Variants in CPNE4 observed in about 807,000 individuals in gnomAD.
The protein encoded by CPNE4 is copine 4.
In CPNE4, 25 loss-of-function variants were observed where a neutral mutation model predicts 67.9. That is an observed-to-expected ratio of 0.37 (90% confidence interval 0.27 to 0.51). The LOEUF is 0.51. Ranked by LOEUF, CPNE4 falls within the 20% of genes least tolerant of loss-of-function variation. The pLI is 0.93. For synonymous variants in CPNE4, 242 were observed against 244.9 expected, an observed-to-expected ratio of 0.99 and a Z score of 0.11; for missense variants, 464 against 690.8, an observed-to-expected ratio of 0.67 and a Z score of 3.68.
chr3:131,818,327 A>G (rs1341887691), intron 2 of CPNE4, among the ~76,000 whole-genome samples: 1 of 152,206 alleles, frequency 6.6e-6, no homozygotes, highest in Non-Finnish European at 1.5e-5. Context: ...AAAATGCAGC[A>G]GAGACATCCA....
At chr3:131,725,720 C>A (rs1056007627) in intron 2 of CPNE4, among the ~76,000 whole-genome samples, 2 of 152,166 alleles carry the variant, frequency 1.3e-5, no homozygotes, top group Non-Finnish European at 2.9e-5. Flanking sequence ...CTTTATTTGT[C>A]CTACTCAAAG....
chr3:131,930,126 A>G (rs1225470250), intron 1 of CPNE4, among the ~76,000 whole-genome samples: 1 of 152,186 alleles, frequency 6.6e-6, no homozygotes, highest in Non-Finnish European at 1.5e-5. Flanking sequence ...GGTTGTTAAC[A>G]AGAGGTAGTG....
intron 2 of CPNE4, among the ~76,000 whole-genome samples, chr3:131,822,618 C>G (rs1307968735): frequency 6.6e-6 from 1 of 152,140 alleles, no homozygotes; most frequent in Non-Finnish European, 1.5e-5. Context: ...TGCCCAGACA[C>G]AATTTTACAG....
intron 2 of CPNE4, among the ~76,000 whole-genome samples, chr3:131,768,564 A>G (rs2083083110): frequency 6.6e-6 from 1 of 152,138 alleles, no homozygotes; most frequent in African/African-American, 2.4e-5. Flanking sequence ...ACACTATGCA[A>G]AAACTGCTTT....
chr3:131,570,587 A>AAT (rs1176253870), intron 10 of CPNE4, among the ~76,000 whole-genome samples: 1 of 152,020 alleles, frequency 6.6e-6, no homozygotes, highest in Admixed American at 6.6e-5. Flanking sequence ...ACCATGTGCC[A>AAT]AACCCAATCT....
At chr3:131,740,801 C>A (rs190161457) in intron 2 of CPNE4, among the ~76,000 whole-genome samples, 9 of 152,290 alleles carry the variant, frequency 5.9e-5, no homozygotes, top group Admixed American at 5.9e-4. Flanking sequence ...TCATTGTAAT[C>A]TTTAAAGTCT....
intron 7 of CPNE4, among the ~76,000 whole-genome samples, chr3:131,648,845 C>T (rs1215417412): frequency 1.3e-5 from 2 of 152,136 alleles, no homozygotes; most frequent in East Asian, 3.9e-4. Flanking sequence ...GAGGGTGCTA[C>T]TAAGCTCTGG....
intron 7 of CPNE4, among the ~76,000 whole-genome samples, chr3:131,654,324 T>TAAC (rs1314751644): frequency 6.6e-6 from 1 of 152,108 alleles, no homozygotes; most frequent in Non-Finnish European, 1.5e-5. Flanking sequence ...TCATGGGGAT[T>TAAC]TTTGTACAGA....
intron 15 of CPNE4, among the ~76,000 whole-genome samples, chr3:131,540,684 G>A (rs868756681): frequency 6.6e-6 from 1 of 152,230 alleles, no homozygotes; most frequent in African/African-American, 2.4e-5. Flanking sequence ...TCAGTATGAA[G>A]AATGTCAGGG....
At chr3:131,773,318 A>T (rs908098837) in intron 2 of CPNE4, among the ~76,000 whole-genome samples, 2 of 151,450 alleles carry the variant, frequency 1.3e-5, no homozygotes, top group Non-Finnish European at 2.9e-5. Context: ...TAAAATGATA[A>T]AACAATATGT....
At chr3:131,784,095 T>A (rs939939787) in intron 2 of CPNE4, among the ~76,000 whole-genome samples, 1 of 152,112 alleles carries the variant, frequency 6.6e-6, no homozygotes, top group Non-Finnish European at 1.5e-5. Context: ...AAATAGTGTA[T>A]ATTTAATAAA....
intron 2 of CPNE4, among the ~76,000 whole-genome samples, chr3:131,732,294 A>G (rs1221409064): frequency 3.9e-5 from 6 of 152,220 alleles, no homozygotes; most frequent in African/African-American, 1.2e-4. Context: ...TGGATGTTTT[A>G]TCCAATCAAG....
At chr3:131,861,752 A>T (rs1219318818) in intron 2 of CPNE4, among the ~76,000 whole-genome samples, 3 of 152,166 alleles carry the variant, frequency 2.0e-5, no homozygotes, top group Admixed American at 6.6e-5. Flanking sequence ...TCATCTTTTT[A>T]AAGGAGAAAT....
intron 2 of CPNE4, among the ~76,000 whole-genome samples, chr3:131,862,469 C>G (rs2086729429): frequency 6.6e-6 from 1 of 152,046 alleles, no homozygotes; most frequent in Non-Finnish European, 1.5e-5. Context: ...GTTTCCTTAC[C>G]TCTGGTTTCT....
intron 1 of CPNE4, among the ~76,000 whole-genome samples, chr3:132,024,440 G>A: frequency 6.6e-6 from 1 of 152,080 alleles, no homozygotes; most frequent in Middle Eastern, 3.2e-3. Context: ...AAAAGTTTGA[G>A]CACCTATGTT....
At chr3:131,944,277 G>A (rs568638277) in intron 1 of CPNE4, among the ~76,000 whole-genome samples, 1 of 151,454 alleles carries the variant, frequency 6.6e-6, no homozygotes, top group Admixed American at 6.6e-5. Flanking sequence ...GCAGTTTGGT[G>A]TCATCCCTTC....
chr3:131,678,969 C>T (rs990894361), intron 6 of CPNE4, among the ~76,000 whole-genome samples: 1 of 152,066 alleles, frequency 6.6e-6, no homozygotes, highest in Non-Finnish European at 1.5e-5. Flanking sequence ...GGAGGAGTCC[C>T]TCCAATTTTT....
At chr3:131,974,265 G>A (rs2072583858) in intron 1 of CPNE4, among the ~76,000 whole-genome samples, 1 of 152,180 alleles carries the variant, frequency 6.6e-6, no homozygotes, top group South Asian at 2.1e-4. Flanking sequence ...AATGGTAATT[G>A]TAAAATGTCT....
At chr3:131,765,669 G>A (rs16837799) in intron 2 of CPNE4, among the ~76,000 whole-genome samples, 70,512 of 151,800 alleles carry the variant, frequency 0.46, 16,656 homozygotes, top group East Asian at 0.57. Context: ...GTCTTTGAGA[G>A]AGGCAGTAGT....
Sources: gnomAD v4.1 joint callset for allele counts (sites outside exome capture counted in the v4.1 genomes callset) on GRCh38, gnomAD v4.1.1 for gene constraint, MANE v1.5 for transcripts, NCBI Gene and HGNC (gene_info 2026-07-23, HGNC 2026-07-21) for gene names.